TRPM7: variants seen among roughly 807,000 people sequenced by gnomAD.
The protein encoded by TRPM7 is transient receptor potential cation channel subfamily M member 7, also known as LTRPC ion channel family member 7.
In TRPM7, 134 loss-of-function variants were observed where a neutral mutation model predicts 229.7. That is an observed-to-expected ratio of 0.58 (90% CI 0.51 to 0.67). TRPM7 has a LOEUF of 0.67. Ranked by LOEUF, TRPM7 falls within the 30% of genes least tolerant of loss-of-function variation. TRPM7 has a pLI of 0.00. For missense variants in TRPM7, 1,901 were observed against 2,210.0 expected (o/e 0.86, Z 2.80); for synonymous variants, 699 against 715.2 (o/e 0.98, Z 0.36).
At chr15:50,573,832 G>A (rs1478435055) in intron 36 of TRPM7, among the ~76,000 whole-genome samples, 1 of 152,012 alleles carries the variant, frequency 6.6e-6, no homozygotes, top group Admixed American at 6.6e-5. Flanking sequence ...AGGCTGAGGC[G>A]GGCAGATCAC....
In TRPM7 at chr15:50,608,805, TAAG is replaced by T. The variant is rs566787323; in HGVS notation, c.2580+773_2580+775del. Among the ~76,000 whole-genome samples the T allele has an allele frequency of 1.1e-4, 17 of 152,282 alleles. No individual in the cohort carries two copies. In the South Asian group the frequency reaches 3.3e-3, roughly 30 times the overall value. ...TAAGGGTTTTCCTATGACGGGGAGT[TAAG>T]AACTCATTTACTCAGTCCCTGGTTA... On this transcript the variant is annotated intron_variant, in intron 19 of 38. Transcript: ENST00000646667.
At chr15:50,679,538 A>ATTTTTTTTTTTTTTTTTTT (rs58783893) in intron 1 of TRPM7, among the ~76,000 whole-genome samples, 1 of 43,904 alleles carries the variant, frequency 2.3e-5, no homozygotes, top group African/African-American at 1.1e-4. Context: ...ATATATATAT[A>ATTTTTTTTTTTTTTTTTTT]TTTTTTTTTT....
At chr15:50,652,478 A>G (rs1342047825) in intron 3 of TRPM7, among the ~76,000 whole-genome samples, 1 of 151,524 alleles carries the variant, frequency 6.6e-6, no homozygotes, top group Non-Finnish European at 1.5e-5. Context: ...ACTGAACAGG[A>G]AAATAAATCA....
chr15:50,629,277 T>C (rs1311271238), intron 10 of TRPM7, among the ~76,000 whole-genome samples: 1 of 147,834 alleles, frequency 6.8e-6, no homozygotes, highest in Non-Finnish European at 1.5e-5. Context: ...AGTTTCCTTC[T>C]TCTTCTCTTT....
chr15:50,561,739 A>T lies in TRPM7; in HGVS notation c.5537T>A (p.Leu1846His). The T allele has an allele frequency of 6.2e-7, 1 of 1,613,416 alleles. No individual in the cohort carries two copies. Among genetic ancestry groups the T allele is most frequent in the East Asian group, 2.2e-5 (1 of 44,856 alleles). Residue 1846 changes from leucine to histidine, a missense_variant, in exon 39 of 39, where the codon CTT (leucine) becomes CAT (histidine). Physicochemically the swap from Leu to His is moderately conservative, Grantham distance 99. Coordinates refer to ENST00000646667, the MANE Select transcript of TRPM7 (RefSeq NM_017672.6). ...TTCTTTGGTGGAATTTCCAGGCTGA[A>T]GATTCAAATCTGAAGGCTCATCCTG... ...FPQDEPSDLN[L>H]QPGNSTKESE...
At chr15:50,662,120 C>T (rs1246366384) in intron 2 of TRPM7, among the ~76,000 whole-genome samples, 1 of 152,004 alleles carries the variant, frequency 6.6e-6, no homozygotes, top group Non-Finnish European at 1.5e-5. Context: ...TTTGGGAGGC[C>T]AAGGCAGGTG....
At chr15:50,653,113 C>T (rs946157014) in intron 3 of TRPM7, among the ~76,000 whole-genome samples, 2 of 152,116 alleles carry the variant, frequency 1.3e-5, no homozygotes, top group Admixed American at 1.3e-4. Context: ...CACTGCACTC[C>T]AGTCTGGGCC....
In TRPM7 at chr15:50,612,039, T is replaced by C. The variant is rs142515606; in HGVS notation, c.2051+510A>G. On this transcript the variant is annotated intron_variant, in intron 16 of 38. Coordinates refer to ENST00000646667, the MANE Select transcript of TRPM7 (RefSeq NM_017672.6). Reference sequence around the variant, plus strand: ...TCCACCCTTTCCTTACCAATTCAAATGGAACTTTCTAATCCAATTGCTACT... The same window carrying C: ...TCCACCCTTTCCTTACCAATTCAAACGGAACTTTCTAATCCAATTGCTACT... 8.3e-4 allele frequency among the ~76,000 whole-genome samples: 126 copies of C among 152,374 alleles called. 1 individual carries two copies. The highest frequency in any genetic ancestry group is 2.9e-3 in the African/African-American group (122 of 41,592).
Position 50,583,779 on chromosome 15 carries a change from G to A in TRPM7, c.4487-620C>T, listed in dbSNP as rs140989831. 2.6e-3 allele frequency among the ~76,000 whole-genome samples: 401 copies of A among 152,026 alleles called. 1 individual carries two copies. The highest frequency in any genetic ancestry group is 9.3e-3 in the African/African-American group (384 of 41,476). The stretch of plus-strand genomic sequence containing the variant: ...AGTAGAGACTGGGTTTCTCCTTGTT[G>A]TTCAGGCTGGTCTCAAACTCCTGAC... On this transcript the variant is annotated intron_variant, in intron 28 of 38. Coordinates refer to ENST00000646667, the MANE Select transcript of TRPM7 (RefSeq NM_017672.6).
At chr15:50,570,614 G>A (rs1014016568) in intron 36 of TRPM7, among the ~76,000 whole-genome samples, 12 of 150,912 alleles carry the variant, frequency 8.0e-5, no homozygotes, top group Admixed American at 6.6e-4. Context: ...CGGCCAAGGC[G>A]GATGGATCAC....
At chr15:50,656,871 T>C (rs527437215) in intron 3 of TRPM7, among the ~76,000 whole-genome samples, 6 of 152,308 alleles carry the variant, frequency 3.9e-5, no homozygotes, top group African/African-American at 9.6e-5. Flanking sequence ...CCAAATCCTA[T>C]TGCATTTATC....
intron 10 of TRPM7, among the ~76,000 whole-genome samples, chr15:50,629,825 A>G (rs2060676282): frequency 1.3e-5 from 2 of 151,800 alleles, no homozygotes; most frequent in Admixed American, 1.3e-4. Context: ...AGTACATGGT[A>G]AATAATTCAT....
chr15:50,686,653 GC>G lies in TRPM7; in HGVS notation c.-121del. On this transcript the variant is annotated 5_prime_UTR_variant, in exon 1 of 39. Transcript: ENST00000646667. ...CAGCAGAGGCCGCCGGACAAGGAAC[GC>G]CCAGGGAAACCTTCTCAGAACTAAC... 7.1e-7 allele frequency: 1 copy of G among 1,413,668 alleles called. No homozygotes were observed. The highest frequency in any genetic ancestry group is 9.6e-7 in the Non-Finnish European group (1 of 1,045,460). 87.6% of individuals were successfully genotyped at this position (1,413,668 alleles called of 1,614,324 possible).
intron 1 of TRPM7, among the ~76,000 whole-genome samples, chr15:50,684,111 C>G (rs931693917): frequency 6.6e-6 from 1 of 151,382 alleles, no homozygotes; most frequent in African/African-American, 2.4e-5. Flanking sequence ...AGCCTGTCGC[C>G]GCCTCCCAAA....
intron 1 of TRPM7, among the ~76,000 whole-genome samples, chr15:50,674,091 C>T (rs1382316762): frequency 1.3e-5 from 2 of 152,130 alleles, no homozygotes; most frequent in Non-Finnish European, 2.9e-5. Flanking sequence ...CAGGTTCAAG[C>T]GATTCTCCTG....
intron 1 of TRPM7, among the ~76,000 whole-genome samples, chr15:50,682,282 A>C (rs1363543704): frequency 1.3e-5 from 2 of 151,990 alleles, no homozygotes; most frequent in African/African-American, 4.8e-5. Context: ...AAATTCCTTT[A>C]ACAGGGTTCT....
intron 27 of TRPM7, chr15:50,588,277 C>A (rs1339257159): frequency 5.1e-6 from 5 of 979,278 alleles, no homozygotes; most frequent in Non-Finnish European, 6.1e-6. Context: ...AATTATGCAA[C>A]TATTCTCAAA....
At position 50,592,031 on chromosome 15, in the gene TRPM7, A is replaced by C. The variant is rs1305299874; in HGVS notation, c.4204T>G (p.Phe1402Val). 6.2e-7 allele frequency: 1 copy of C among 1,613,366 alleles called. No homozygotes were observed. The highest frequency in any genetic ancestry group is 8.5e-7 in the Non-Finnish European group (1 of 1,179,770). Reference sequence around the variant, plus strand: ...CTTGGCTGAGATGGTGTACTAACAAAAAATTTGGTTGGTGGGGATGACAGA... The same window carrying C: ...CTTGGCTGAGATGGTGTACTAACAACAAATTTGGTTGGTGGGGATGACAGA... ...PHLSSPPTKF[F>V]VSTPSQPSCK... The change falls in exon 26 of 39, where the codon TTT becomes GTT. Residue 1402 changes from phenylalanine to valine, a missense_variant. Physicochemically the swap from Phe to Val is conservative, Grantham distance 50. Around this residue, in one of 8 missense-constraint regions of TRPM7, gnomAD observed 533 missense variants for 497.1 expected, o/e 1.07. Coordinates refer to ENST00000646667, the MANE Select transcript of TRPM7 (RefSeq NM_017672.6).
chr15:50,628,334 G>A (rs976382212), intron 10 of TRPM7, 85 bp from the exon 11 acceptor site: 27 of 905,440 alleles, frequency 3.0e-5, no homozygotes, highest in Non-Finnish European at 4.4e-5. Flanking sequence ...TTAAGAGATG[G>A]GGTCTTGGTC....
Sources: gnomAD v4.1 joint callset for allele counts (sites outside exome capture counted in the v4.1 genomes callset) on GRCh38, gnomAD v4.1.1 for gene constraint, gnomAD v4.1.1 regional missense constraint, MANE v1.5 for transcripts, NCBI Gene and HGNC (gene_info 2026-07-23, HGNC 2026-07-21) for gene names.